TMTC2: variants seen among roughly 807,000 people sequenced by gnomAD.
TMTC2 encodes protein O-mannosyl-transferase TMTC2.
Under a neutral mutation model 82.4 loss-of-function variants are expected in TMTC2, and 43 were observed. The ratio of observed to expected loss-of-function variants is 0.52; its 90% CI spans 0.41 to 0.67. The LOEUF is 0.67. Ranked by LOEUF, TMTC2 falls within the 30% of genes least tolerant of loss-of-function variation. TMTC2 has a pLI of 0.00. For missense variants in TMTC2, 919 were observed against 1,012.4 expected, an observed-to-expected ratio of 0.91 and a Z score of 1.25; for synonymous variants, 408 against 381.9, an observed-to-expected ratio of 1.07 and a Z score of -0.80.
intron 8 of TMTC2, among the ~76,000 whole-genome samples, chr12:82,989,105 A>T (rs1391187962): frequency 6.6e-6 from 1 of 151,758 alleles, no homozygotes; most frequent in East Asian, 1.9e-4. Flanking sequence ...AAAAAAAGAA[A>T]CCAAAAAAAG....
intron 1 of TMTC2, among the ~76,000 whole-genome samples, chr12:82,758,138 C>A (rs1019216404): frequency 2.0e-5 from 3 of 151,992 alleles, no homozygotes; most frequent in Non-Finnish European, 4.4e-5. Context: ...GTATACTTCT[C>A]CCAGATATCA....
chr12:82,708,974 C>T (rs973290656), intron 1 of TMTC2, among the ~76,000 whole-genome samples: 1 of 152,082 alleles, frequency 6.6e-6, no homozygotes, highest in Non-Finnish European at 1.5e-5. Flanking sequence ...CAAAGTGACT[C>T]TGCATCATTG....
intron 8 of TMTC2, among the ~76,000 whole-genome samples, chr12:83,000,877 A>G (rs115750356): frequency 0.036 from 5,452 of 152,218 alleles, 353 homozygotes; most frequent in African/African-American, 0.12. Flanking sequence ...ACTTCCGTGC[A>G]CCTGCAGGCT....
chr12:82,912,378 A>G (rs957232415), intron 3 of TMTC2, among the ~76,000 whole-genome samples: 2 of 152,210 alleles, frequency 1.3e-5, no homozygotes, highest in African/African-American at 4.8e-5. Context: ...AAGTCATATC[A>G]TAAAGAAATG....
At chr12:83,020,213 G>C (rs1296648493) in intron 8 of TMTC2, among the ~76,000 whole-genome samples, 1 of 152,164 alleles carries the variant, frequency 6.6e-6, no homozygotes, top group Non-Finnish European at 1.5e-5. Flanking sequence ...GTTAGGGCAG[G>C]AGTTGTGTGT....
intron 7 of TMTC2, among the ~76,000 whole-genome samples, chr12:82,976,001 G>A (rs1878653895): frequency 6.6e-6 from 1 of 151,668 alleles, no homozygotes; most frequent in Admixed American, 6.6e-5. Context: ...TAATTTTCCT[G>A]AAGACAGTAT....
intron 8 of TMTC2, among the ~76,000 whole-genome samples, chr12:82,988,774 A>G (rs1321619828): frequency 2.0e-5 from 3 of 150,434 alleles, no homozygotes; most frequent in Non-Finnish European, 4.4e-5. Flanking sequence ...CAGTAAGGAA[A>G]AGGTTTTCAA....
At chr12:82,863,163 C>G (rs1260357429) in intron 2 of TMTC2, among the ~76,000 whole-genome samples, 1 of 152,000 alleles carries the variant, frequency 6.6e-6, no homozygotes, top group Non-Finnish European at 1.5e-5. Context: ...TTGTGACCCC[C>G]CCCCAATATC....
chr12:83,068,810 C>T (rs184956632), intron 11 of TMTC2, among the ~76,000 whole-genome samples: 49 of 151,972 alleles, frequency 3.2e-4, no homozygotes, highest in African/African-American at 1.1e-3. Flanking sequence ...ACCCATCATC[C>T]GAGCAGTGTA....
intron 11 of TMTC2, among the ~76,000 whole-genome samples, chr12:83,082,467 A>G (rs566199063): frequency 3.3e-5 from 5 of 152,314 alleles, no homozygotes; most frequent in Non-Finnish European, 7.4e-5. Flanking sequence ...ATTTTGAACT[A>G]AATGTTTTGA....
At chr12:82,854,699 C>T (rs751700439) in intron 1 of TMTC2, among the ~76,000 whole-genome samples, 22 of 152,048 alleles carry the variant, frequency 1.4e-4, no homozygotes, top group African/African-American at 5.3e-4. Flanking sequence ...TGAACCATCC[C>T]GGCCACATGG....
At chr12:82,920,226 A>G (rs1875303918) in intron 3 of TMTC2, among the ~76,000 whole-genome samples, 1 of 152,150 alleles carries the variant, frequency 6.6e-6, no homozygotes, top group Admixed American at 6.6e-5. Flanking sequence ...ACTTTCTCAA[A>G]TCTCCCTGTA....
intron 4 of TMTC2, among the ~76,000 whole-genome samples, chr12:82,960,939 A>G (rs1020255114): frequency 6.6e-6 from 1 of 151,960 alleles, no homozygotes; most frequent in Non-Finnish European, 1.5e-5. Context: ...AAAAGTCATA[A>G]AAAGCCTTTA....
At chr12:82,961,912 A>G (rs191454021) in intron 4 of TMTC2, among the ~76,000 whole-genome samples, 10 of 152,220 alleles carry the variant, frequency 6.6e-5, no homozygotes, top group African/African-American at 1.2e-4. Context: ...TACTTAGCCC[A>G]TAAGAAATCA....
Position 82,825,155 on chromosome 12 carries a change from C to T in TMTC2, c.84-31855C>T, listed in dbSNP as rs539453403. Among the ~76,000 whole-genome samples, 565 of 151,676 alleles carry T rather than the reference C, an allele frequency of 3.7e-3. 4 individuals carry two copies. Among genetic ancestry groups the T allele is most frequent in the African/African-American group, 0.013 (541 of 41,360 alleles). ...AGACACTGTATGTTTTATTGTGATT[C>T]AGCTCTTCCTTCCACAGAAGAGGTG... On this transcript the variant is annotated intron_variant, in intron 1 of 11. Transcript: ENST00000321196.
intron 10 of TMTC2, among the ~76,000 whole-genome samples, chr12:83,051,456 T>C (rs928056980): frequency 3.9e-5 from 6 of 152,140 alleles, no homozygotes; most frequent in Non-Finnish European, 7.4e-5. Context: ...TTTAGGACTT[T>C]CTGAAAATTA....
chr12:82,713,734 A>G (rs1437108901), intron 1 of TMTC2, among the ~76,000 whole-genome samples: 2 of 152,198 alleles, frequency 1.3e-5, no homozygotes, highest in Admixed American at 1.3e-4. Flanking sequence ...CAGCCAAACC[A>G]TATCAGTCAT....
At chr12:82,886,360 A>C (rs1349449286) in intron 2 of TMTC2, among the ~76,000 whole-genome samples, 1 of 152,210 alleles carries the variant, frequency 6.6e-6, no homozygotes, top group African/African-American at 2.4e-5. Flanking sequence ...ATTTAAGTAA[A>C]ATTCAGGAAA....
intron 11 of TMTC2, among the ~76,000 whole-genome samples, chr12:83,115,599 A>G (rs1047227880): frequency 6.6e-6 from 1 of 152,126 alleles, no homozygotes; most frequent in Admixed American, 6.6e-5. Context: ...TATTATAAAA[A>G]CTGAGTGAAA....
Sources: gnomAD v4.1 joint callset for allele counts (sites outside exome capture counted in the v4.1 genomes callset) on GRCh38, gnomAD v4.1.1 for gene constraint, MANE v1.5 for transcripts, NCBI Gene and HGNC (gene_info 2026-07-23, HGNC 2026-07-21) for gene names.